The following EBF1 variants were observed in gnomAD, a reference collection of about 807,000 sequenced individuals.
The protein encoded by EBF1 is EBF transcription factor 1.
EBF1 carries 10 observed loss-of-function variants against 68.4 expected under a neutral mutation model. The ratio of observed to expected loss-of-function variants is 0.15; its 90% CI spans 0.09 to 0.25. The LOEUF is 0.25. Among genes scored for constraint, EBF1 ranks in the 10% least tolerant of loss-of-function variants. The pLI is 1.00. For synonymous variants in EBF1, 298 were observed against 299.8 expected (o/e 0.99, Z 0.06); for missense variants, 509 against 794.4 (o/e 0.64, Z 4.32).
intron 5 of EBF1, 134 bp downstream of exon 5, chr5:159,084,532 T>C: frequency 1.5e-6 from 1 of 645,366 alleles, no homozygotes; most frequent in Non-Finnish European, 2.4e-6. Context: ...ATCTAACAGT[T>C]CTTTTTAGAT....
intron 6 of EBF1, among the ~76,000 whole-genome samples, chr5:158,987,441 A>C (rs1759325637): frequency 6.6e-6 from 1 of 152,118 alleles, no homozygotes; most frequent in African/African-American, 2.4e-5. Flanking sequence ...AACACTTTTA[A>C]TTTTTCAAAG....
At chr5:158,751,273 A>C (rs1223163775) in intron 10 of EBF1, among the ~76,000 whole-genome samples, 1 of 151,852 alleles carries the variant, frequency 6.6e-6, no homozygotes, top group African/African-American at 2.4e-5. Context: ...ATATCTAAGC[A>C]CGTATTAGAG....
chr5:158,720,339 T>C (rs754097895), intron 11 of EBF1, among the ~76,000 whole-genome samples: 10 of 152,202 alleles, frequency 6.6e-5, no homozygotes, highest in Non-Finnish European at 1.5e-4. Context: ...GCAGCCCATT[T>C]CCTGCAGAGC....
intron 10 of EBF1, among the ~76,000 whole-genome samples, chr5:158,772,071 C>T (rs2127657401): frequency 6.6e-6 from 1 of 152,224 alleles, no homozygotes; most frequent in African/African-American, 2.4e-5. Flanking sequence ...CACAGTGAGC[C>T]AAACTCGGGA....
At chr5:158,816,515 A>C (rs930983850) in intron 8 of EBF1, among the ~76,000 whole-genome samples, 6 of 152,214 alleles carry the variant, frequency 3.9e-5, no homozygotes, top group Non-Finnish European at 7.3e-5. Context: ...TCCATCCTTC[A>C]CTGACTTCAC....
At chr5:158,708,304 C>A in intron 14 of EBF1, 131 bp from the exon 15 acceptor site, 1 of 878,892 alleles carries the variant, frequency 1.1e-6, no homozygotes, top group Non-Finnish European at 1.7e-6. Context: ...ACAAACCTTC[C>A]CTGAATTCGC....
intron 6 of EBF1, among the ~76,000 whole-genome samples, chr5:158,985,494 T>A (rs777680010): frequency 9.9e-5 from 15 of 152,232 alleles, no homozygotes; most frequent in Admixed American, 4.6e-4. Flanking sequence ...AATTCTAATA[T>A]AAGTCCAGGG....
intron 6 of EBF1, among the ~76,000 whole-genome samples, chr5:158,926,076 T>C (rs1369398403): frequency 6.6e-6 from 1 of 152,216 alleles, no homozygotes; most frequent in Non-Finnish European, 1.5e-5. Context: ...GCTTAATACA[T>C]TTTATTTATA....
chr5:158,936,714 C>T (rs1812092473), intron 6 of EBF1, among the ~76,000 whole-genome samples: 1 of 152,214 alleles, frequency 6.6e-6, no homozygotes, highest in Non-Finnish European at 1.5e-5. Context: ...TGGCTTCCTC[C>T]TCTGGATGGG....
At chr5:158,939,947 A>G (rs1812881922) in intron 6 of EBF1, among the ~76,000 whole-genome samples, 1 of 152,030 alleles carries the variant, frequency 6.6e-6, no homozygotes, top group Non-Finnish European at 1.5e-5. Flanking sequence ...ATACACTTAT[A>G]CCCTCTCAAG....
intron 6 of EBF1, among the ~76,000 whole-genome samples, chr5:158,938,942 A>T (rs903501594): frequency 6.6e-6 from 1 of 152,350 alleles, no homozygotes; most frequent in Non-Finnish European, 1.5e-5. Context: ...TCCAAGAGAC[A>T]TCTATGACAT....
chr5:159,085,881 G>A (rs943082959), intron 4 of EBF1, among the ~76,000 whole-genome samples: 1 of 152,086 alleles, frequency 6.6e-6, no homozygotes, highest in Non-Finnish European at 1.5e-5. Context: ...ACCTGTAAAT[G>A]ATGAATATAA....
chr5:159,089,584 T>A (rs553430999), intron 4 of EBF1, among the ~76,000 whole-genome samples: 14 of 152,288 alleles, frequency 9.2e-5, no homozygotes, highest in African/African-American at 3.1e-4. Context: ...ACATGGTTTT[T>A]CTGTGTTTAC....
intron 6 of EBF1, among the ~76,000 whole-genome samples, chr5:158,840,447 C>G (rs1055917854): frequency 6.6e-6 from 1 of 152,192 alleles, no homozygotes; most frequent in East Asian, 1.9e-4. Flanking sequence ...TACTCATGGT[C>G]CCCAACGACA....
intron 10 of EBF1, among the ~76,000 whole-genome samples, chr5:158,737,730 A>G (rs1765522176): frequency 6.6e-6 from 1 of 152,162 alleles, no homozygotes; most frequent in African/African-American, 2.4e-5. Flanking sequence ...TCCTTTTTAC[A>G]AAGAGTGCAG....
At chr5:158,874,256 T>C (rs1159934413) in intron 6 of EBF1, among the ~76,000 whole-genome samples, 1 of 152,182 alleles carries the variant, frequency 6.6e-6, no homozygotes, top group Non-Finnish European at 1.5e-5. Context: ...TTAAATGGAC[T>C]TTTGCAACTA....
intron 6 of EBF1, among the ~76,000 whole-genome samples, chr5:158,892,386 A>T (rs956372455): frequency 6.6e-6 from 1 of 152,094 alleles, no homozygotes; most frequent in Non-Finnish European, 1.5e-5. Flanking sequence ...CTACTCGGGA[A>T]GCTGAGGGAG....
intron 6 of EBF1, among the ~76,000 whole-genome samples, chr5:158,996,320 G>A (rs1034954555): frequency 6.6e-6 from 1 of 152,124 alleles, no homozygotes; most frequent in Non-Finnish European, 1.5e-5. Flanking sequence ...TATACTTCCT[G>A]GGTAAATTAG....
At chr5:158,812,384 G>A (rs1782835899) in intron 8 of EBF1, among the ~76,000 whole-genome samples, 1 of 152,018 alleles carries the variant, frequency 6.6e-6, no homozygotes, top group Non-Finnish European at 1.5e-5. Flanking sequence ...CCATTTCCTG[G>A]GTCGACCTAG....
Sources: allele counts gnomAD v4.1 joint callset (sites outside exome capture counted in the v4.1 genomes callset), GRCh38; gene constraint gnomAD v4.1.1; transcripts MANE v1.5; gene names NCBI Gene and HGNC (gene_info 2026-07-23, HGNC 2026-07-21).